PEG3: variants seen among roughly 807,000 people sequenced by gnomAD.
PEG3 encodes the protein paternally expressed 3.
In PEG3, 23 loss-of-function variants were observed where a neutral mutation model predicts 35.5. That is an observed-to-expected ratio of 0.65 (90% CI 0.47 to 0.92). The LOEUF is 0.92. Among genes scored for constraint, PEG3 ranks in the 40% least tolerant of loss-of-function variants. The pLI is 0.00. For missense variants in PEG3, 1,960 were observed against 1,985.3 expected, an observed-to-expected ratio of 0.99 and a Z score of 0.24; for synonymous variants, 707 against 697.0, an observed-to-expected ratio of 1.01 and a Z score of -0.23.
chr19:56,838,778 C>G (rs193145285), intron 1 of PEG3, among the ~76,000 whole-genome samples: 1 of 152,338 alleles, frequency 6.6e-6, no homozygotes, highest in Admixed American at 6.5e-5. Context: ...CCAGCACACA[C>G]AGCCCAAGGA....
Position 56,822,745 on chromosome 19 carries a change from A to G in PEG3, c.565+8T>C. ...CTCCTACTGGGAAAGAAAGTGGTTA[A>G]GACTCACTGCTTCTTGGGTTCCTGG... On this transcript the variant is annotated splice_region_variant and intron_variant, in intron 6 of 9. Transcript: ENST00000326441. The G allele has an allele frequency of 6.2e-7, 1 of 1,614,002 alleles. No individual in the cohort carries two copies. Among genetic ancestry groups the G allele is most frequent in the Non-Finnish European group, 8.5e-7 (1 of 1,179,988 alleles).
In PEG3 at chr19:56,816,034, G is replaced by C; in HGVS notation, c.2408C>G (p.Ala803Gly). 1 of 1,595,180 alleles carries C rather than the reference G, an allele frequency of 6.3e-7. No individual in the cohort carries two copies. The highest frequency in any genetic ancestry group is 8.5e-7 in the Non-Finnish European group (1 of 1,170,940). ...ATCGAAGCTCTGAATGGTAGACTCT[G>C]CCATTACTTTTGGTTTACTGGGCCC... Reference protein sequence around the residue: ...VAGPSKPKVMAESTIQSFDAI... With the variant: ...VAGPSKPKVMGESTIQSFDAI... Residue 803 changes from alanine to glycine, a missense_variant, in exon 10 of 10, where the codon GCA becomes GGA. Around this residue, in one of 5 missense-constraint regions of PEG3, gnomAD observed 798 missense variants for 782.4 expected, o/e 1.02. Transcript: ENST00000326441.
intron 2 of PEG3, chr19:56,833,683 G>A: frequency 6.0e-6 from 1 of 166,392 alleles, no homozygotes; most frequent in East Asian, 1.7e-4. Flanking sequence ...TGGTTCCCCA[G>A]GAAAGAAGCA....
chr19:56,825,447 T>TC (rs2060927674), intron 3 of PEG3, among the ~76,000 whole-genome samples: 1 of 152,368 alleles, frequency 6.6e-6, no homozygotes, highest in Middle Eastern at 3.4e-3. Flanking sequence ...GTTTTGACAT[T>TC]CCTTTCTTAC....
intron 2 of PEG3, among the ~76,000 whole-genome samples, chr19:56,827,766 A>C (rs906351728): frequency 6.6e-6 from 1 of 152,246 alleles, no homozygotes; most frequent in Non-Finnish European, 1.5e-5. Flanking sequence ...AGGCAACTCT[A>C]AATAAATGAG....
In PEG3 at chr19:56,816,272, G is replaced by A. The variant is rs776237105; in HGVS notation, c.2170C>T (p.His724Tyr). 2 of 1,613,834 alleles carry A rather than the reference G, an allele frequency of 1.2e-6. No individual in the cohort carries two copies. Among genetic ancestry groups the A allele is most frequent in the Admixed American group, 3.3e-5 (2 of 60,026 alleles). ...EGRGYEKSVIHSGPFTESQKS... is the reference protein window; with the variant it reads ...EGRGYEKSVIYSGPFTESQKS... ...TGAGATTCAGTGAATGGCCCACTAT[G>A]AATGACAGATTTCTCATACCCTCTG... The change falls in exon 10 of 10, where the codon CAT (histidine) becomes TAT (tyrosine). Residue 724 changes from histidine (H) to tyrosine (Y), a missense_variant. Physicochemically the swap from His to Tyr is moderately conservative, Grantham distance 83. This residue lies in a region of PEG3 where 798 missense variants were observed against 782.4 expected (regional missense o/e 1.02). Transcript: ENST00000326441.
intron 1 of PEG3, among the ~76,000 whole-genome samples, chr19:56,838,714 G>A (rs1401397187): frequency 6.6e-6 from 1 of 152,172 alleles, no homozygotes; most frequent in Admixed American, 6.5e-5. Context: ...CACGTCTCCC[G>A]GCTCCCCCAG....
chr19:56,822,101 T>C (rs1173582566), intron 6 of PEG3, among the ~76,000 whole-genome samples: 1 of 152,148 alleles, frequency 6.6e-6, no homozygotes, highest in African/African-American at 2.4e-5. Flanking sequence ...GACAGGGAGA[T>C]GGCATCAGAG....
At chr19:56,839,024 A>T (rs1008805366) in intron 1 of PEG3, among the ~76,000 whole-genome samples, 1 of 152,150 alleles carries the variant, frequency 6.6e-6, no homozygotes, top group Non-Finnish European at 1.5e-5. Context: ...CTGCGCGGCA[A>T]ACCTCAGCTG....
chr19:56,816,235 G>C lies in PEG3; in HGVS notation c.2207C>G (p.Thr736Ser). ...ATCACTTTCAAGAGGTCTTGTTATA[G>C]TATGACTCTTCTGAGATTCAGTGAA... is the stretch of plus-strand genomic sequence containing the variant. ...GPFTESQKSHTITRPLESDED... is the reference protein window; with the variant it reads ...GPFTESQKSHSITRPLESDED... Residue 736 changes from threonine to serine, a missense_variant, in exon 10 of 10, where the codon ACT (threonine) becomes AGT (serine). By Grantham distance (58) the Thr-to-Ser change is moderately conservative (BLOSUM62 1). Around this residue, in one of 5 missense-constraint regions of PEG3, gnomAD observed 798 missense variants for 782.4 expected, o/e 1.02. Transcript: ENST00000326441. 6.2e-7 allele frequency: 1 copy of C among 1,614,108 alleles called. No homozygotes were observed. Among genetic ancestry groups the C allele is most frequent in the South Asian group, 1.1e-5 (1 of 91,086 alleles).
intron 1 of PEG3, among the ~76,000 whole-genome samples, chr19:56,838,941 G>A (rs149977048): frequency 0.018 from 2,707 of 151,214 alleles, 26 homozygotes; most frequent in Non-Finnish European, 0.03. Flanking sequence ...TGAACAGACC[G>A]TCCCGCCCAT....
rs757861150 is a variant in PEG3, at chr19:56,815,773, T to C, written c.2669A>G (p.Asn890Ser). The C allele has an allele frequency of 5.0e-6, 8 of 1,613,788 alleles. No homozygotes were observed. The highest frequency in any genetic ancestry group is 4.5e-5 in the East Asian group (2 of 44,896). Residue 890 changes from asparagine (N) to serine (S), a missense_variant, in exon 10 of 10, where the codon AAC (asparagine) becomes AGC (serine). Physicochemically the swap from Asn to Ser is conservative, Grantham distance 46. Around this residue, in one of 5 missense-constraint regions of PEG3, gnomAD observed 798 missense variants for 782.4 expected, o/e 1.02. Coordinates refer to ENST00000326441, the MANE Select transcript of PEG3 (RefSeq NM_006210.3). Reference protein sequence around the residue: ...NPCEGGSKNRNYEDSVIQSVF... With the variant: ...NPCEGGSKNRSYEDSVIQSVF... ...ACTCTGTATGACAGAGTCTTCATAGTTGCGATTCTTACTGCCCCCTTCACA... is the reference window on the plus strand; with the variant it reads ...ACTCTGTATGACAGAGTCTTCATAGCTGCGATTCTTACTGCCCCCTTCACA...
intron 7 of PEG3, among the ~76,000 whole-genome samples, chr19:56,821,163 T>C (rs901325585): frequency 2.6e-5 from 4 of 152,250 alleles, no homozygotes; most frequent in African/African-American, 4.8e-5. Flanking sequence ...GCAATCACCA[T>C]ATTCATTTTA....
chr19:56,812,059 A>G lies in PEG3; in HGVS notation c.*1616T>C. 1 of 982,968 alleles carries G rather than the reference A, an allele frequency of 1.0e-6. No homozygotes were observed. Among genetic ancestry groups the G allele is most frequent in the African/African-American group, 1.8e-5 (1 of 57,108 alleles). The allele number at this position is 982,968 out of a possible 1,614,324, so 60.9% of individuals were successfully genotyped here. On this transcript the variant is annotated 3_prime_UTR_variant, in exon 10 of 10. Transcript: ENST00000326441. ...AGTAAGATTCAGACACATTTCCCCC[A>G]GTGGGTACTTTAATTTTGCTTGTTC...
rs746436677 is a variant in PEG3 at position 56,815,702 on chromosome 19, C to G, written c.2740G>C (p.Gly914Arg). 1 of 1,614,058 alleles carries G rather than the reference C, an allele frequency of 6.2e-7. No individual in the cohort carries two copies. The highest frequency in any genetic ancestry group is 1.3e-5 in the African/African-American group (1 of 74,912). Residue 914 changes from glycine to arginine, a missense_variant, in exon 10 of 10, where the codon GGT becomes CGT. By Grantham distance (125) the Gly-to-Arg change is moderately radical. Transcript: ENST00000326441. ...PQKSVPGEGSGEFKKDGEFSV... is the reference protein window; with the variant it reads ...PQKSVPGEGSREFKKDGEFSV... The stretch of plus-strand genomic sequence containing the variant: ...AATTCGCCATCCTTCTTAAACTCAC[C>G]AGATCCCTCTCCAGGAACACTTTTC...
chr19:56,814,744 C>A lies in PEG3; in HGVS notation c.3698G>T (p.Gly1233Val). The part of the protein sequence containing the change: ...SAIRCLLCGQ[G>V]FIHSSALNEH... ...ATTAAGGGCAGAGCTATGAATGAAGCCTTGTCCACACAAAAGGCATCGAAT... is the reference window on the plus strand; with the variant it reads ...ATTAAGGGCAGAGCTATGAATGAAGACTTGTCCACACAAAAGGCATCGAAT... The change falls in exon 10 of 10, where the codon GGC becomes GTC. Residue 1233 changes from glycine (G) to valine (V), a missense_variant. Gly to Val is a moderately radical substitution (Grantham distance 109). Transcript: ENST00000326441. This position sits in a 1 kb window ranked among gnomAD's most constrained non-coding sequence, Gnocchi z 5.8. 1.2e-6 allele frequency: 2 copies of A among 1,614,118 alleles called. No individual in the cohort carries two copies. The highest frequency in any genetic ancestry group is 1.7e-6 in the Non-Finnish European group (2 of 1,180,034).
intron 7 of PEG3, among the ~76,000 whole-genome samples, chr19:56,818,975 C>T (rs2060229711): frequency 6.6e-6 from 1 of 152,084 alleles, no homozygotes; most frequent in African/African-American, 2.4e-5. Context: ...ACTCATGAAA[C>T]AATTAGAGAA....
rs765218502 is a variant in PEG3, at chr19:56,811,451, A to AT, written c.*2223dup. On this transcript the variant is annotated 3_prime_UTR_variant, in exon 10 of 10. Transcript: ENST00000326441. ...TTTCCACGTTGCTACATAACTCGTG[A>AT]TTATCATTTTTAAACAGTTGCATTA... is the stretch of plus-strand genomic sequence containing the variant. 1.0e-6 allele frequency: 1 copy of AT among 953,072 alleles called. No individual in the cohort carries two copies. The highest frequency in any genetic ancestry group is 1.2e-6 in the Non-Finnish European group (1 of 800,486). The allele number at this position is 953,072 out of a possible 1,614,324, so 59.0% of individuals were successfully genotyped here. A position where few individuals can be genotyped will look rare whatever the true frequency, so the allele number is the denominator to read the frequency against.
intron 7 of PEG3, among the ~76,000 whole-genome samples, chr19:56,819,027 G>A (rs184670020): frequency 1.3e-5 from 2 of 152,298 alleles, no homozygotes; most frequent in East Asian, 1.9e-4. Context: ...AGTGCTAAAC[G>A]GGTTTTGTAG....
Sources: gnomAD v4.1 joint callset for allele counts (sites outside exome capture counted in the v4.1 genomes callset) on GRCh38, gnomAD v4.1.1 for gene constraint, gnomAD v4.1.1 regional missense constraint, Gnocchi (gnomAD v3.1) non-coding constraint, MANE v1.5 for transcripts, NCBI Gene and HGNC (gene_info 2026-07-23, HGNC 2026-07-21) for gene names.